ASAP1: variants seen among roughly 807,000 people sequenced by gnomAD.
ASAP1 encodes the protein ArfGAP with SH3 domain, ankyrin repeat and PH domain 1.
ASAP1 carries 43 observed loss-of-function variants against 145.2 expected under a neutral mutation model. The observed-to-expected ratio is 0.30, with a 90% confidence interval of 0.23 to 0.38. The LOEUF (loss-of-function observed/expected upper bound fraction) is 0.38, where lower values mean the gene tolerates loss of function less well. ASAP1 is among the 10% of genes least tolerant of loss of function. The pLI is 1.00. For synonymous variants in ASAP1, 546 were observed against 515.5 expected (o/e 1.06, Z -0.80); for missense variants, 1,018 against 1,355.3 (o/e 0.75, Z 3.91).
intron 11 of ASAP1, chr8:130,160,754 CA>C: frequency 8.0e-7 from 1 of 1,250,770 alleles, no homozygotes; most frequent in Non-Finnish European, 1.0e-6. Flanking sequence ...ACAAGTAGGA[CA>C]ATATATTCTC....
intron 3 of ASAP1, among the ~76,000 whole-genome samples, chr8:130,292,713 T>G (rs564754317): frequency 3.3e-5 from 5 of 152,258 alleles, no homozygotes; most frequent in Admixed American, 2.0e-4. Context: ...TGTGGAAAAT[T>G]TAGATGGTGA....
At position 130,358,109 on chromosome 8, in the gene ASAP1, C is replaced by A; in HGVS notation, c.94G>T (p.Ala32Ser). Residue 32 changes from alanine (A) to serine (S), a missense_variant, in exon 3 of 30, where the codon GCC becomes TCC. Around this residue, in one of 9 missense-constraint regions of ASAP1, gnomAD observed 106 missense variants for 134.5 expected, o/e 0.79. Coordinates refer to ENST00000518721, the MANE Select transcript of ASAP1 (RefSeq NM_018482.4). The surrounding 1 kb of genome is among the most constrained non-coding windows in gnomAD (Gnocchi z 4.1). ...PDQISVSEFI[A>S]ETTEDYNSPT... ...GAGTTGTAGTCCTCGGTGGTCTCGG[C>A]GATGAACTCCGAGACAGAGATCTGG... 1 of 1,608,594 alleles carries A rather than the reference C, an allele frequency of 6.2e-7. No individual in the cohort carries two copies.
At chr8:130,107,515 A>AATGT (rs71302393) in intron 24 of ASAP1, among the ~76,000 whole-genome samples, 9,021 of 101,414 alleles carry the variant, frequency 0.089, 361 homozygotes, top group East Asian at 0.19. Flanking sequence ...TTTTTTAAAA[A>AATGT]ATGTATGTAT....
chr8:130,416,361 C>T (rs777910539), intron 1 of ASAP1, among the ~76,000 whole-genome samples: 2 of 152,204 alleles, frequency 1.3e-5, no homozygotes, highest in Admixed American at 6.5e-5. Flanking sequence ...AGTGCCTGGC[C>T]TAGTAAATGT....
At chr8:130,305,007 C>T (rs1258622086) in intron 3 of ASAP1, among the ~76,000 whole-genome samples, 1 of 152,168 alleles carries the variant, frequency 6.6e-6, no homozygotes, top group Non-Finnish European at 1.5e-5. Context: ...TACACCTTGG[C>T]CACATGACCT....
chr8:130,241,069 G>A (rs1818497086), intron 3 of ASAP1, among the ~76,000 whole-genome samples: 1 of 152,118 alleles, frequency 6.6e-6, no homozygotes, highest in Non-Finnish European at 1.5e-5. Flanking sequence ...TCACAGCAGA[G>A]TGTAAGAGCA....
intron 1 of ASAP1, among the ~76,000 whole-genome samples, chr8:130,421,626 C>G (rs556022474): frequency 6.6e-6 from 1 of 152,332 alleles, no homozygotes; most frequent in African/African-American, 2.4e-5. Context: ...CAGGGGGCAG[C>G]AGGGCCACAG....
At chr8:130,072,824 T>TGTGTGCGTGTGC in intron 27 of ASAP1, among the ~76,000 whole-genome samples, 2 of 32,282 alleles carry the variant, frequency 6.2e-5, no homozygotes, top group Non-Finnish European at 5.7e-5. Context: ...TGTGTGTGTG[T>TGTGTGCGTGTGC]GCGCGCGGGG....
chr8:130,093,685 A>AAAAAAAAAG (rs2097510822), intron 24 of ASAP1, among the ~76,000 whole-genome samples: 1 of 150,356 alleles, frequency 6.7e-6, no homozygotes, highest in African/African-American at 2.5e-5. Context: ...AAAAAAAAAA[A>AAAAAAAAAG]AAAAGAAAGC....
At chr8:130,060,436 C>T (rs372979570) in intron 28 of ASAP1, 143 bp downstream of exon 28, 177 of 1,177,886 alleles carry the variant, frequency 1.5e-4, no homozygotes, top group Middle Eastern at 3.0e-4. Context: ...GGCTCTAATC[C>T]ACCATCATGC....
chr8:130,308,253 T>A (rs758049014), intron 3 of ASAP1, among the ~76,000 whole-genome samples: 13 of 152,182 alleles, frequency 8.5e-5, no homozygotes, highest in Non-Finnish European at 1.9e-4. Context: ...TCCCACTGGA[T>A]TATAAAAATA....
At chr8:130,386,176 A>G (rs1320724132) in intron 2 of ASAP1, among the ~76,000 whole-genome samples, 1 of 152,200 alleles carries the variant, frequency 6.6e-6, no homozygotes, top group Non-Finnish European at 1.5e-5. Context: ...TGGAGGAGAA[A>G]GCACTAGAGA....
chr8:130,299,751 C>G (rs1484240313), intron 3 of ASAP1, among the ~76,000 whole-genome samples: 1 of 151,732 alleles, frequency 6.6e-6, no homozygotes, highest in African/African-American at 2.4e-5. Context: ...AGTTCAAAAT[C>G]CAAAGGAATA....
intron 13 of ASAP1, 130 bp from the exon 14 acceptor site, chr8:130,137,168 GAAGAAACAGACA>G (rs2097596845): frequency 2.7e-6 from 2 of 754,036 alleles, no homozygotes; most frequent in African/African-American, 3.5e-5. Context: ...TTTCAGCAAA[GAAGAAACAGACA>G]TCTGAGCATT....
chr8:130,373,115 C>T (rs758620445), intron 2 of ASAP1, among the ~76,000 whole-genome samples: 28 of 67,656 alleles, frequency 4.1e-4, no homozygotes, highest in African/African-American at 2.0e-3. Flanking sequence ...TACATATACA[C>T]ACACACACAC....
intron 5 of ASAP1, among the ~76,000 whole-genome samples, chr8:130,194,686 A>G (rs993734764): frequency 1.3e-5 from 2 of 152,088 alleles, no homozygotes; most frequent in Admixed American, 1.3e-4. Context: ...AGATTCTCAT[A>G]AAGAGTGTTC....
At chr8:130,095,302 T>G (rs2097515053) in intron 24 of ASAP1, among the ~76,000 whole-genome samples, 1 of 146,312 alleles carries the variant, frequency 6.8e-6, no homozygotes, top group Non-Finnish European at 1.5e-5. Context: ...TGATTTTTTT[T>G]TTTTTTTTTT....
At chr8:130,414,680 T>A (rs985579870) in intron 1 of ASAP1, among the ~76,000 whole-genome samples, 3 of 152,212 alleles carry the variant, frequency 2.0e-5, no homozygotes, top group African/African-American at 7.2e-5. Context: ...CATGATCTAT[T>A]TAACAATGAA....
intron 3 of ASAP1, among the ~76,000 whole-genome samples, chr8:130,331,297 C>T (rs973180291): frequency 3.3e-5 from 5 of 152,192 alleles, no homozygotes; most frequent in East Asian, 1.9e-4. Context: ...TAGATCCATC[C>T]TTCTGAACCA....
Sources: allele counts gnomAD v4.1 joint callset (sites outside exome capture counted in the v4.1 genomes callset), GRCh38; gene constraint gnomAD v4.1.1; regional missense constraint gnomAD v4.1.1; non-coding constraint Gnocchi (gnomAD v3.1); transcripts MANE v1.5; gene names NCBI Gene and HGNC (gene_info 2026-07-23, HGNC 2026-07-21).